NOVA1: variants seen among roughly 807,000 people sequenced by gnomAD.
NOVA1 encodes the protein NOVA alternative splicing regulator 1.
A neutral mutation model predicts 38.0 loss-of-function variants in NOVA1; 7 were observed. The ratio of observed to expected loss-of-function variants is 0.18; its 90% CI spans 0.10 to 0.35. NOVA1 has a LOEUF of 0.35. Among genes scored for constraint, NOVA1 ranks in the 10% least tolerant of loss-of-function variants. The probability of loss-of-function intolerance (pLI) is 1.00; values close to 1 mark genes in which losing one functional copy is unlikely to be tolerated. For synonymous variants in NOVA1, 270 were observed against 232.5 expected, an observed-to-expected ratio of 1.16 and a Z score of -1.47; for missense variants, 460 against 616.0, an observed-to-expected ratio of 0.75 and a Z score of 2.68.
chr14:26,447,803 A>G lies in NOVA1; in HGVS notation c.*156T>C, dbSNP rs1882201303. The G allele has an allele frequency of 1.6e-6, 1 of 635,822 alleles. No homozygotes were observed. Among genetic ancestry groups the G allele is most frequent in the Non-Finnish European group, 2.8e-6 (1 of 361,158 alleles). 39.4% of individuals were successfully genotyped at this position (635,822 alleles called of 1,614,324 possible). On this transcript the variant is annotated 3_prime_UTR_variant, in exon 5 of 5. Coordinates refer to ENST00000539517, the MANE Select transcript of NOVA1 (RefSeq NM_002515.3). ...TTCTATGAAACATCTGGTAAAACACATATTATTTACATATACACATTGTCA... is the reference window on the plus strand; with the variant it reads ...TTCTATGAAACATCTGGTAAAACACGTATTATTTACATATACACATTGTCA...
intron 2 of NOVA1, among the ~76,000 whole-genome samples, chr14:26,546,348 GTCTC>G (rs773909975): frequency 7.9e-5 from 12 of 151,850 alleles, no homozygotes; most frequent in Non-Finnish European, 1.3e-4. Context: ...AAGGTGTTTC[GTCTC>G]TCTAACAAAT....
chr14:26,587,479 A>T (rs981897307), intron 2 of NOVA1, among the ~76,000 whole-genome samples: 2 of 151,066 alleles, frequency 1.3e-5, no homozygotes, highest in African/African-American at 4.8e-5. Context: ...CATCTGATAA[A>T]TATGCATAAT....
chr14:26,567,518 A>C (rs529495925), intron 2 of NOVA1, among the ~76,000 whole-genome samples: 1 of 151,584 alleles, frequency 6.6e-6, no homozygotes, highest in Non-Finnish European at 1.5e-5. Flanking sequence ...CTGGTCTCGA[A>C]CTCCTGGACT....
At chr14:26,470,409 T>G (rs541639623) in intron 4 of NOVA1, 2 of 1,510,554 alleles carry the variant, frequency 1.3e-6, no homozygotes, top group African/African-American at 2.7e-5. Flanking sequence ...GATTGATGAT[T>G]ACAATTCTTT....
chr14:26,457,494 C>T (rs1261353098), intron 4 of NOVA1, among the ~76,000 whole-genome samples: 3 of 151,998 alleles, frequency 2.0e-5, no homozygotes, highest in Non-Finnish European at 4.4e-5. Context: ...ACATTGTAAC[C>T]GTTGTTAATG....
intron 2 of NOVA1, among the ~76,000 whole-genome samples, chr14:26,508,063 T>G (rs947480984): frequency 8.5e-5 from 13 of 152,072 alleles, no homozygotes; most frequent in Admixed American, 8.5e-4. Flanking sequence ...GTATTATATT[T>G]GAGAGTTCTG....
intron 4 of NOVA1, among the ~76,000 whole-genome samples, chr14:26,469,953 G>A (rs1214307154): frequency 1.3e-5 from 2 of 152,102 alleles, no homozygotes; most frequent in African/African-American, 2.4e-5. Context: ...ATTATTATAG[G>A]ACAACACTGT....
chr14:26,556,707 A>T (rs1891500834), intron 2 of NOVA1, among the ~76,000 whole-genome samples: 1 of 152,170 alleles, frequency 6.6e-6, no homozygotes. Context: ...AAGAAAATGA[A>T]AAGGTAAGCC....
intron 2 of NOVA1, among the ~76,000 whole-genome samples, chr14:26,559,622 G>A (rs988928701): frequency 1.3e-5 from 2 of 152,122 alleles, no homozygotes; most frequent in African/African-American, 2.4e-5. Context: ...TATGGTAAGT[G>A]AAATAAGCCA....
chr14:26,551,667 G>A (rs745845981), intron 2 of NOVA1, among the ~76,000 whole-genome samples: 14 of 151,912 alleles, frequency 9.2e-5, no homozygotes, highest in Non-Finnish European at 1.9e-4. Context: ...TATAAATAAT[G>A]TCATTTCATT....
At chr14:26,545,645 T>C (rs1365825736) in intron 2 of NOVA1, among the ~76,000 whole-genome samples, 1 of 152,134 alleles carries the variant, frequency 6.6e-6, no homozygotes, top group South Asian at 2.1e-4. Flanking sequence ...CTTTCACATA[T>C]GTTTTATTGT....
chr14:26,518,022 C>A (rs1446887723), intron 2 of NOVA1, among the ~76,000 whole-genome samples: 1 of 151,998 alleles, frequency 6.6e-6, no homozygotes, highest in Non-Finnish European at 1.5e-5. Context: ...AATTGGACTT[C>A]CAAATTTTAA....
At chr14:26,508,538 A>T (rs1594429049) in intron 2 of NOVA1, among the ~76,000 whole-genome samples, 1 of 131,994 alleles carries the variant, frequency 7.6e-6, no homozygotes. Flanking sequence ...AACCAAGAGA[A>T]ATTTTTCACA....
chr14:26,503,271 G>A (rs1313877035), intron 2 of NOVA1, among the ~76,000 whole-genome samples: 1 of 151,812 alleles, frequency 6.6e-6, no homozygotes, highest in Non-Finnish European at 1.5e-5. Context: ...CTAGGTATAT[G>A]AACAATTTCA....
intron 2 of NOVA1, among the ~76,000 whole-genome samples, chr14:26,495,483 T>C (rs1886692333): frequency 6.6e-6 from 1 of 152,202 alleles, no homozygotes. Context: ...AGCCCTATTA[T>C]AACAAGCTTT....
intron 2 of NOVA1, among the ~76,000 whole-genome samples, chr14:26,594,920 C>T (rs539125553): frequency 4.6e-5 from 7 of 152,208 alleles, no homozygotes; most frequent in Admixed American, 4.6e-4. Context: ...AGAGGCAACA[C>T]TTGTCCTCTT....
At chr14:26,538,841 T>C (rs905362883) in intron 2 of NOVA1, among the ~76,000 whole-genome samples, 2 of 152,186 alleles carry the variant, frequency 1.3e-5, no homozygotes, top group Non-Finnish European at 2.9e-5. Flanking sequence ...TACATTATCT[T>C]AAAGACCTCA....
intron 2 of NOVA1, among the ~76,000 whole-genome samples, chr14:26,574,850 C>CA (rs1892735444): frequency 6.6e-6 from 1 of 151,878 alleles, no homozygotes; most frequent in Non-Finnish European, 1.5e-5. Context: ...TTTGTAGAGA[C>CA]AGAGTCTCAC....
intron 2 of NOVA1, among the ~76,000 whole-genome samples, chr14:26,583,453 G>A (rs1487159747): frequency 6.6e-6 from 1 of 151,384 alleles, no homozygotes; most frequent in Non-Finnish European, 1.5e-5. Flanking sequence ...ACTGAATTAT[G>A]AATAGCACTT....
Sources: gnomAD v4.1 joint callset for allele counts (sites outside exome capture counted in the v4.1 genomes callset) on GRCh38, gnomAD v4.1.1 for gene constraint, MANE v1.5 for transcripts, NCBI Gene and HGNC (gene_info 2026-07-23, HGNC 2026-07-21) for gene names.